The following CPQ variants were observed in gnomAD, a reference collection of about 807,000 sequenced individuals.
CPQ encodes the protein Ser-Met dipeptidase.
A neutral mutation model predicts 45.7 loss-of-function variants in CPQ; 37 were observed. The observed-to-expected ratio is 0.81, with a 90% CI of 0.62 to 1.07. CPQ has a LOEUF of 1.07. Among genes scored for constraint, CPQ ranks in the 50% least tolerant of loss-of-function variants. CPQ has a pLI of 0.00. For synonymous variants in CPQ, 186 were observed against 205.8 expected, an observed-to-expected ratio of 0.90 and a Z score of 0.82; for missense variants, 537 against 572.9, an observed-to-expected ratio of 0.94 and a Z score of 0.64.
chr8:96,922,054 C>G (rs184191046), intron 4 of CPQ, among the ~76,000 whole-genome samples: 1 of 151,742 alleles, frequency 6.6e-6, no homozygotes, highest in African/African-American at 2.4e-5. Flanking sequence ...CATTTTTCCC[C>G]GTAAGAGTAG....
At chr8:96,756,832 CT>C (rs1390486103) in intron 1 of CPQ, among the ~76,000 whole-genome samples, 1 of 152,172 alleles carries the variant, frequency 6.6e-6, no homozygotes, top group Non-Finnish European at 1.5e-5. Context: ...CCTGATATTT[CT>C]CTTTATTCCA....
intron 4 of CPQ, among the ~76,000 whole-genome samples, chr8:96,908,106 ACGTGTG>A (rs1327155285): frequency 1.5e-4 from 11 of 75,278 alleles, no homozygotes; most frequent in Admixed American, 1.1e-3. Flanking sequence ...CCCCACTGCA[ACGTGTG>A]TGTGTGTGTG....
chr8:96,756,506 T>C (rs1810328374), intron 1 of CPQ, among the ~76,000 whole-genome samples: 1 of 152,120 alleles, frequency 6.6e-6, no homozygotes, highest in Non-Finnish European at 1.5e-5. Context: ...AAATATTCAT[T>C]TCATGTTTGA....
At chr8:96,651,940 T>C (rs908102387) in intron 1 of CPQ, among the ~76,000 whole-genome samples, 2 of 152,180 alleles carry the variant, frequency 1.3e-5, no homozygotes, top group Non-Finnish European at 2.9e-5. Flanking sequence ...ATCAAGCTAA[T>C]AAACATACCC....
intron 3 of CPQ, among the ~76,000 whole-genome samples, chr8:96,870,813 C>T (rs1440616446): frequency 6.6e-6 from 1 of 151,956 alleles, no homozygotes; most frequent in Non-Finnish European, 1.5e-5. Context: ...ATGGTGTATG[C>T]TTTAGGCATC....
intron 2 of CPQ, among the ~76,000 whole-genome samples, chr8:96,797,174 G>C (rs1810942152): frequency 6.6e-6 from 1 of 152,162 alleles, no homozygotes; most frequent in South Asian, 2.1e-4. Context: ...AACAGTCTCT[G>C]TCTAATTCCT....
chr8:97,079,336 C>G (rs1237170978), intron 7 of CPQ, among the ~76,000 whole-genome samples: 1 of 152,052 alleles, frequency 6.6e-6, no homozygotes, highest in African/African-American at 2.4e-5. Flanking sequence ...TTAAGAAACC[C>G]AAGTAAATGC....
chr8:96,953,538 T>G (rs1226251232), intron 4 of CPQ, among the ~76,000 whole-genome samples: 1 of 152,112 alleles, frequency 6.6e-6, no homozygotes, highest in Non-Finnish European at 1.5e-5. Context: ...AGCAGTGCAT[T>G]TCTAGACACT....
intron 7 of CPQ, among the ~76,000 whole-genome samples, chr8:97,112,574 C>T (rs1204680092): frequency 6.6e-6 from 1 of 152,194 alleles, no homozygotes; most frequent in Non-Finnish European, 1.5e-5. Context: ...ATATTCCCAT[C>T]ACAGGCCTTT....
chr8:96,668,530 A>G (rs1432591006), intron 1 of CPQ, among the ~76,000 whole-genome samples: 1 of 152,222 alleles, frequency 6.6e-6, no homozygotes, highest in Non-Finnish European at 1.5e-5. Context: ...AAACATGTAG[A>G]AAGGAAATAT....
chr8:96,785,062 T>C lies in CPQ; in HGVS notation c.165T>C (p.Val55=). ...DVAKAIINLA[V]YGKAQNRSYE... ...CTAAAGCAATCATCAACCTAGCTGTTTATGGTAAAGCCCAGAACAGATCCT... is the reference window on the plus strand; with the variant it reads ...CTAAAGCAATCATCAACCTAGCTGTCTATGGTAAAGCCCAGAACAGATCCT... The change falls in exon 2 of 8, where the codon GTT becomes GTC. Residue 55 remains valine (V), a synonymous_variant. Transcript: ENST00000220763. 1.9e-6 allele frequency: 3 copies of C among 1,613,836 alleles called. No individual in the cohort carries two copies. The highest frequency in any genetic ancestry group is 2.5e-6 in the Non-Finnish European group (3 of 1,179,848).
At chr8:96,845,038 G>T (rs930894690) in intron 3 of CPQ, among the ~76,000 whole-genome samples, 1 of 152,160 alleles carries the variant, frequency 6.6e-6, no homozygotes, top group African/African-American at 2.4e-5. Flanking sequence ...CAGGGCCTTT[G>T]CACTCACTGT....
At chr8:96,788,351 A>T (rs1044270835) in intron 2 of CPQ, among the ~76,000 whole-genome samples, 4 of 151,692 alleles carry the variant, frequency 2.6e-5, no homozygotes, top group Non-Finnish European at 2.9e-5. Flanking sequence ...GTAGAGATGC[A>T]GTTTCACCAT....
chr8:97,027,076 G>A (rs1041328895), intron 5 of CPQ, among the ~76,000 whole-genome samples: 2 of 152,076 alleles, frequency 1.3e-5, no homozygotes, highest in Admixed American at 6.5e-5. Context: ...TTTATTTGCA[G>A]CCTATAAACA....
chr8:96,980,267 G>C (rs1447977286), intron 5 of CPQ, among the ~76,000 whole-genome samples: 2 of 152,022 alleles, frequency 1.3e-5, no homozygotes, highest in African/African-American at 4.8e-5. Context: ...AGAGTAGCTG[G>C]GATTTCAGGC....
chr8:96,843,232 T>C (rs1811639822), intron 3 of CPQ, among the ~76,000 whole-genome samples: 1 of 152,146 alleles, frequency 6.6e-6, no homozygotes, highest in Admixed American at 6.5e-5. Context: ...AGCAGTAATG[T>C]TATTAATGCC....
intron 6 of CPQ, among the ~76,000 whole-genome samples, chr8:97,048,911 T>C (rs548826644): frequency 2.6e-5 from 4 of 152,298 alleles, no homozygotes; most frequent in African/African-American, 9.6e-5. Flanking sequence ...AAAGGCTCTG[T>C]TTAAACATCT....
intron 5 of CPQ, among the ~76,000 whole-genome samples, chr8:96,977,319 G>A (rs1392617490): frequency 2.6e-5 from 3 of 117,456 alleles, no homozygotes; most frequent in Non-Finnish European, 1.7e-5. Context: ...AAGAATATCC[G>A]TAATCAAAAA....
chr8:96,923,339 A>G (rs952715477), intron 4 of CPQ, among the ~76,000 whole-genome samples: 1 of 152,192 alleles, frequency 6.6e-6, no homozygotes, highest in Non-Finnish European at 1.5e-5. Flanking sequence ...AACCCCCATT[A>G]GCCCATGAAA....
Sources: allele counts gnomAD v4.1 joint callset (sites outside exome capture counted in the v4.1 genomes callset), GRCh38; gene constraint gnomAD v4.1.1; transcripts MANE v1.5; gene names NCBI Gene and HGNC (gene_info 2026-07-23, HGNC 2026-07-21).